The following AJAP1 variants were observed in gnomAD, a reference collection of about 807,000 sequenced individuals.
AJAP1 encodes the protein adherens junction-associated protein 1.
In AJAP1, 5 loss-of-function variants were observed where a neutral mutation model predicts 35.0. The observed-to-expected ratio is 0.14, with a 90% CI of 0.07 to 0.30. AJAP1 has a LOEUF of 0.30. Ranked by LOEUF, AJAP1 falls within the 10% of genes least tolerant of loss-of-function variation. The pLI is 1.00. For synonymous variants in AJAP1, 284 were observed against 249.3 expected (o/e 1.14, Z -1.31); for missense variants, 586 against 571.0 (o/e 1.03, Z -0.27).
chr1:4,754,203 T>G (rs1641378532), intron 2 of AJAP1, among the ~76,000 whole-genome samples: 1 of 152,050 alleles, frequency 6.6e-6, no homozygotes, highest in Admixed American at 6.5e-5. Context: ...ACATGAAAGT[T>G]ATTTGAAATT....
chr1:4,711,786 C>G (rs1342469128), intron 1 of AJAP1, 114 bp from the exon 2 acceptor site: 2 of 807,472 alleles, frequency 2.5e-6, no homozygotes, highest in Non-Finnish European at 3.7e-6. Context: ...GGAGCTCTTT[C>G]CAGAAGAAGA....
At chr1:4,759,874 C>T (rs780442511) in intron 2 of AJAP1, among the ~76,000 whole-genome samples, 6 of 152,194 alleles carry the variant, frequency 3.9e-5, no homozygotes, top group Non-Finnish European at 7.3e-5. Context: ...CCAGCCCCTC[C>T]CGCCAGGCTC....
chr1:4,776,877 A>C (rs999697001), intron 5 of AJAP1, among the ~76,000 whole-genome samples: 2 of 152,210 alleles, frequency 1.3e-5, no homozygotes, highest in Non-Finnish European at 2.9e-5. Context: ...TCGTCCGCAG[A>C]GTTCAGAAGA....
intron 2 of AJAP1, among the ~76,000 whole-genome samples, chr1:4,714,465 A>G (rs767082522): frequency 2.0e-5 from 3 of 152,206 alleles, no homozygotes; most frequent in Non-Finnish European, 4.4e-5. Context: ...GTCACTTACT[A>G]TATAGACATG....
At chr1:4,726,611 G>GC (rs1325355945) in intron 2 of AJAP1, among the ~76,000 whole-genome samples, 3 of 152,118 alleles carry the variant, frequency 2.0e-5, no homozygotes, top group Non-Finnish European at 4.4e-5. Flanking sequence ...CCACTGTGTG[G>GC]CCCTAGTGAG....
At chr1:4,725,885 C>G (rs1232454480) in intron 2 of AJAP1, among the ~76,000 whole-genome samples, 1 of 152,226 alleles carries the variant, frequency 6.6e-6, no homozygotes, top group East Asian at 1.9e-4. Context: ...AGAGTCCACC[C>G]TAATGACCTC....
intron 1 of AJAP1, among the ~76,000 whole-genome samples, chr1:4,682,714 GATA>G (rs1421737510): frequency 2.6e-5 from 4 of 152,288 alleles, no homozygotes; most frequent in African/African-American, 7.2e-5. Flanking sequence ...TGGTAATGAT[GATA>G]ATGATGATAG....
intron 1 of AJAP1, among the ~76,000 whole-genome samples, chr1:4,695,931 T>G (rs1300329067): frequency 6.6e-6 from 1 of 152,148 alleles, no homozygotes. Context: ...ATGACATTGC[T>G]GCACCCATTC....
chr1:4,669,486 A>T (rs1028383732), intron 1 of AJAP1, among the ~76,000 whole-genome samples: 13 of 152,164 alleles, frequency 8.5e-5, no homozygotes, highest in African/African-American at 3.1e-4. Context: ...AAGCAGGGGA[A>T]ATTCCAGGCG....
chr1:4,770,942 C>T (rs1641820959), intron 3 of AJAP1, among the ~76,000 whole-genome samples: 1 of 152,062 alleles, frequency 6.6e-6, no homozygotes, highest in Non-Finnish European at 1.5e-5. Context: ...GAGAGAACAA[C>T]ACGGAGCTCA....
At chr1:4,697,491 A>G (rs1297225456) in intron 1 of AJAP1, among the ~76,000 whole-genome samples, 1 of 152,232 alleles carries the variant, frequency 6.6e-6, no homozygotes, top group East Asian at 1.9e-4. Flanking sequence ...CTGGTACTAT[A>G]GTGACATCAC....
chr1:4,747,197 G>A (rs944434502), intron 2 of AJAP1, among the ~76,000 whole-genome samples: 2 of 152,146 alleles, frequency 1.3e-5, no homozygotes, highest in African/African-American at 4.8e-5. Context: ...CTGTGCCGTC[G>A]TCAGCCTCAC....
At chr1:4,758,814 C>G (rs1023724562) in intron 2 of AJAP1, among the ~76,000 whole-genome samples, 1 of 152,178 alleles carries the variant, frequency 6.6e-6, no homozygotes, top group African/African-American at 2.4e-5. Flanking sequence ...CCAGGACAGC[C>G]GGCGTGCAGA....
intron 2 of AJAP1, among the ~76,000 whole-genome samples, chr1:4,750,205 C>A (rs556532175): frequency 1.3e-5 from 2 of 151,604 alleles, no homozygotes; most frequent in Non-Finnish European, 2.9e-5. Context: ...TTTGTGTGTG[C>A]GTGTGTGCAT....
intron 1 of AJAP1, among the ~76,000 whole-genome samples, chr1:4,686,570 C>A (rs78014182): frequency 6.6e-6 from 1 of 152,198 alleles, no homozygotes; most frequent in Non-Finnish European, 1.5e-5. Context: ...ACTAATTCTG[C>A]GGGAGCGCAT....
At chr1:4,746,856 A>G (rs1362302642) in intron 2 of AJAP1, among the ~76,000 whole-genome samples, 1 of 152,132 alleles carries the variant, frequency 6.6e-6, no homozygotes, top group Non-Finnish European at 1.5e-5. Context: ...ACTTTCATTG[A>G]CAAGGCAGCT....
chr1:4,708,873 C>T (rs888969179), intron 1 of AJAP1, among the ~76,000 whole-genome samples: 7 of 151,628 alleles, frequency 4.6e-5, no homozygotes, highest in African/African-American at 1.7e-4. Flanking sequence ...CCTGGTTGCC[C>T]ACCTGCCCTC....
chr1:4,743,689 A>G (rs941747244), intron 2 of AJAP1, among the ~76,000 whole-genome samples: 1 of 152,284 alleles, frequency 6.6e-6, no homozygotes, highest in African/African-American at 2.4e-5. Context: ...TATCTTTTAC[A>G]TACTGACCTG....
At chr1:4,768,567 T>C (rs1448522806) in intron 2 of AJAP1, among the ~76,000 whole-genome samples, 2 of 152,190 alleles carry the variant, frequency 1.3e-5, no homozygotes, top group East Asian at 3.9e-4. Context: ...AACACGCACA[T>C]GCAGTGTTCT....
Sources: allele counts gnomAD v4.1 joint callset (sites outside exome capture counted in the v4.1 genomes callset), GRCh38; gene constraint gnomAD v4.1.1; transcripts MANE v1.5; gene names NCBI Gene and HGNC (gene_info 2026-07-23, HGNC 2026-07-21).